Variants in ST3GAL4 observed in about 807,000 individuals in gnomAD.
ST3GAL4 encodes the protein CMP-N-acetylneuraminate-beta-galactosamide-alpha-2,3-sialyltransferase 4.
In ST3GAL4, 24 loss-of-function variants were observed where a neutral mutation model predicts 42.6. That is an observed-to-expected ratio of 0.56 (90% CI 0.41 to 0.79). The LOEUF (loss-of-function observed/expected upper bound fraction) is 0.79. ST3GAL4 is among the 30% of genes least tolerant of loss of function. The pLI is 0.00. For missense variants in ST3GAL4, 311 were observed against 430.8 expected (o/e 0.72, Z 2.46); for synonymous variants, 135 against 163.2 (o/e 0.83, Z 1.32).
Position 126,414,114 on chromosome 11 carries a change from T to TG in ST3GAL4, c.*72dup. On this transcript the variant is annotated 3_prime_UTR_variant, in exon 11 of 11. Transcript: ENST00000444328. ...TCTGGGTGACCCCCATGCGTGGCTG[T>TG]GGGGGTGGCTGGTGCCAGTATGACC... 2 of 1,523,710 alleles carry TG rather than the reference T, an allele frequency of 1.3e-6. No homozygotes were observed. Among genetic ancestry groups the TG allele is most frequent in the Non-Finnish European group, 1.8e-6 (2 of 1,098,208 alleles). 94.4% of individuals were successfully genotyped at this position (1,523,710 alleles called of 1,614,324 possible).
chr11:126,413,262 T>C, intron 9 of ST3GAL4: 1 of 414,508 alleles, frequency 2.4e-6, no homozygotes, highest in Non-Finnish European at 4.3e-6. Context: ...TATGCACTAC[T>C]GCACCCAGCA....
intron 1 of ST3GAL4, among the ~76,000 whole-genome samples, chr11:126,362,560 A>G (rs1255881558): frequency 6.6e-6 from 1 of 152,068 alleles, no homozygotes. Flanking sequence ...GGACTCCAGC[A>G]CTCTATAAAT....
chr11:126,410,969 CCT>C lies in ST3GAL4; in HGVS notation c.771+1560_771+1561del, dbSNP rs1954499781. On this transcript the variant is annotated intron_variant, in intron 9 of 10. Coordinates refer to ENST00000444328, the MANE Select transcript of ST3GAL4 (RefSeq NM_001254757.2). This position sits in a 1 kb window ranked among gnomAD's most constrained non-coding sequence, Gnocchi z 5.3. ...TTCCATTTGGCCAGAGCAGGCGGCT[CCT>C]CCAGCACTGAACTGTTTCCAGTACA... 6.6e-6 allele frequency among the ~76,000 whole-genome samples: 1 copy of C among 152,158 alleles called. No homozygotes were observed. Among genetic ancestry groups the C allele is most frequent in the Admixed American group, 6.5e-5 (1 of 15,284 alleles).
In ST3GAL4 at chr11:126,379,576, C is replaced by T. The variant is rs1952927184; in HGVS notation, c.-61+23734C>T. On this transcript the variant is annotated intron_variant, in intron 1 of 10. Transcript: ENST00000444328. This position sits in a 1 kb window ranked among gnomAD's most constrained non-coding sequence, Gnocchi z 4.2. Reference sequence around the variant, plus strand: ...CACTGCAACCTCCACCTCCCGGGTTCAAGTAATTCTCCTGCCTCATCCTCC... The same window carrying T: ...CACTGCAACCTCCACCTCCCGGGTTTAAGTAATTCTCCTGCCTCATCCTCC... Among the ~76,000 whole-genome samples, 1 of 152,172 alleles carries T rather than the reference C, an allele frequency of 6.6e-6. No individual in the cohort carries two copies. Among genetic ancestry groups the T allele is most frequent in the African/African-American group, 2.4e-5 (1 of 41,446 alleles).
At position 126,413,569 on chromosome 11, in the gene ST3GAL4, C is replaced by A; in HGVS notation, c.836C>A (p.Ala279Asp). 6.2e-7 allele frequency: 1 copy of A among 1,614,266 alleles called. No individual in the cohort carries two copies. Among genetic ancestry groups the A allele is most frequent in the Non-Finnish European group, 8.5e-7 (1 of 1,180,054 alleles). ...CACCTCTGTGACTTGGTGCACATTG[C>A]CGGCTTTGGCTACCCAGACGCCTAC... ...ALHLCDLVHI[A>D]GFGYPDAYNK... The change falls in exon 10 of 11, where the codon GCC becomes GAC. Residue 279 changes from alanine to aspartate, a missense_variant. Physicochemically the swap from Ala to Asp is moderately radical, Grantham distance 126. Transcript: ENST00000444328.
chr11:126,367,750 G>C (rs1952487926), intron 1 of ST3GAL4, among the ~76,000 whole-genome samples: 1 of 152,200 alleles, frequency 6.6e-6, no homozygotes, highest in Non-Finnish European at 1.5e-5. Flanking sequence ...TGAGCTCTCT[G>C]ATCTTGGGAC....
chr11:126,376,845 C>T lies in ST3GAL4; in HGVS notation c.-61+21003C>T, dbSNP rs976606276. 2.6e-5 allele frequency: 4 copies of T among 152,238 alleles called. No homozygotes were observed. The highest frequency in any genetic ancestry group is 2.0e-4 in the Admixed American group (3 of 15,282). 9.4% of individuals were successfully genotyped at this position (152,238 alleles called of 1,614,324 possible). ...AGTAGGTAGGTTGGGGATGAGAATT[C>T]CATGGCCACAGTTAGCAGTTACATA... On this transcript the variant is annotated intron_variant, in intron 1 of 10. Transcript: ENST00000444328. This position sits in a 1 kb window ranked among gnomAD's most constrained non-coding sequence, Gnocchi z 5.1.
At chr11:126,385,568 C>T (rs1177151244) in intron 1 of ST3GAL4, among the ~76,000 whole-genome samples, 2 of 152,170 alleles carry the variant, frequency 1.3e-5, no homozygotes, top group African/African-American at 2.4e-5. Context: ...TATTTTCGAC[C>T]TGTCTGATTT....
chr11:126,398,505 A>G lies in ST3GAL4; in HGVS notation c.-60-7591A>G, dbSNP rs529332608. Among the ~76,000 whole-genome samples the G allele has an allele frequency of 6.6e-6, 1 of 152,286 alleles. No individual in the cohort carries two copies. Among genetic ancestry groups the G allele is most frequent in the African/African-American group, 2.4e-5 (1 of 41,556 alleles). On this transcript the variant is annotated intron_variant, in intron 1 of 10. Coordinates refer to ENST00000444328, the MANE Select transcript of ST3GAL4 (RefSeq NM_001254757.2). This position sits in a 1 kb window ranked among gnomAD's most constrained non-coding sequence, Gnocchi z 4.7. ...GGAGTCTCATGCTTGCAGCTCCCCC[A>G]GGTTGCTGTTGCACACTGGTAGCTC...
chr11:126,358,560 T>A (rs1317285671), intron 1 of ST3GAL4: 1 of 431,368 alleles, frequency 2.3e-6, no homozygotes, highest in African/African-American at 2.0e-5. Flanking sequence ...GTGGTCAGTG[T>A]AGCTTCACGT....
chr11:126,413,387 G>C, intron 9 of ST3GAL4, 118 bp from the exon 10 acceptor site: 1 of 1,329,802 alleles, frequency 7.5e-7, no homozygotes, highest in Non-Finnish European at 1.0e-6. Flanking sequence ...TGTCTTGTTG[G>C]ACAGCGCAGA....
rs1952183098 is a variant in ST3GAL4, at chr11:126,359,739, C to A, written c.-61+3897C>A. ...ACAAGGTTCTTCTCCCTCCCTCCTT[C>A]CCTCCTTCCCTCCTTCCCTCCTTCC... On this transcript the variant is annotated intron_variant, in intron 1 of 10. Coordinates refer to ENST00000444328, the MANE Select transcript of ST3GAL4 (RefSeq NM_001254757.2). This position sits in a 1 kb window ranked among gnomAD's most constrained non-coding sequence, Gnocchi z 4.8. Among the ~76,000 whole-genome samples, 1 of 152,066 alleles carries A rather than the reference C, an allele frequency of 6.6e-6. No homozygotes were observed. The highest frequency in any genetic ancestry group is 1.5e-5 in the Non-Finnish European group (1 of 68,020).
Position 126,397,204 on chromosome 11 carries a change from A to G in ST3GAL4, c.-60-8892A>G, listed in dbSNP as rs907992769. 5.3e-5 allele frequency among the ~76,000 whole-genome samples: 8 copies of G among 152,102 alleles called. No individual in the cohort carries two copies. The highest frequency in any genetic ancestry group is 1.0e-4 in the Non-Finnish European group (7 of 68,034). On this transcript the variant is annotated intron_variant, in intron 1 of 10. Transcript: ENST00000444328. The surrounding 1 kb of genome is among the most constrained non-coding windows in gnomAD (Gnocchi z 5.0). ...TACTTATTTGTCAGATGTTTGTAAA[A>G]CATCTGCTACATTCTTGGCAGTTTA... is the stretch of plus-strand genomic sequence containing the variant.
rs1486199408 is a variant in ST3GAL4 at position 126,384,397 on chromosome 11, G to A, written c.-60-21699G>A. 2.0e-5 allele frequency among the ~76,000 whole-genome samples: 3 copies of A among 152,132 alleles called. No individual in the cohort carries two copies. Among genetic ancestry groups the A allele is most frequent in the Non-Finnish European group, 4.4e-5 (3 of 68,038 alleles). ...TGTGGCACCTGTGTAGGGACTCCAG[G>A]GCTGAACGTTGCCTTTGCTGTCCCT... On this transcript the variant is annotated intron_variant, in intron 1 of 10. Transcript: ENST00000444328. This position sits in a 1 kb window ranked among gnomAD's most constrained non-coding sequence, Gnocchi z 5.5.
intron 6 of ST3GAL4, 116 bp downstream of exon 6, chr11:126,407,750 C>G: frequency 8.9e-7 from 1 of 1,128,284 alleles, no homozygotes; most frequent in Non-Finnish European, 1.3e-6. Context: ...GGTACCATCC[C>G]AGCCAATTCT....
chr11:126,384,301 G>C lies in ST3GAL4; in HGVS notation c.-60-21795G>C, dbSNP rs1237892483. Among the ~76,000 whole-genome samples the C allele has an allele frequency of 2.0e-5, 3 of 152,198 alleles. No individual in the cohort carries two copies. The highest frequency in any genetic ancestry group is 7.2e-5 in the African/African-American group (3 of 41,444). ...GGGTTTCTGAGCCCAGATCTCCGGT[G>C]CTCCAAGACACTCAAAACCAGAGCT... On this transcript the variant is annotated intron_variant, in intron 1 of 10. Coordinates refer to ENST00000444328, the MANE Select transcript of ST3GAL4 (RefSeq NM_001254757.2). The surrounding 1 kb of genome is among the most constrained non-coding windows in gnomAD (Gnocchi z 5.5).
At position 126,411,803 on chromosome 11, in the gene ST3GAL4, A is replaced by G. The variant is rs1253536668; in HGVS notation, c.772-1702A>G. Among the ~76,000 whole-genome samples, 2 of 151,872 alleles carry G rather than the reference A, an allele frequency of 1.3e-5. No individual in the cohort carries two copies. Among genetic ancestry groups the G allele is most frequent in the African/African-American group, 4.8e-5 (2 of 41,324 alleles). ...CTTCAAGCCAGCGACGGCACAATAG[A>G]TCCTTTCTGTGCTTCAAATCTCTGA... is the stretch of plus-strand genomic sequence containing the variant. On this transcript the variant is annotated intron_variant, in intron 9 of 10. Coordinates refer to ENST00000444328, the MANE Select transcript of ST3GAL4 (RefSeq NM_001254757.2). The surrounding 1 kb of genome is among the most constrained non-coding windows in gnomAD (Gnocchi z 6.3).
intron 1 of ST3GAL4, among the ~76,000 whole-genome samples, chr11:126,367,617 C>T (rs972934819): frequency 3.3e-5 from 5 of 152,144 alleles, no homozygotes; most frequent in Non-Finnish European, 5.9e-5. Context: ...GCTCAGGACA[C>T]CTCTGAGGAC....
In ST3GAL4 at chr11:126,396,129, C is replaced by T. The variant is rs556486952; in HGVS notation, c.-60-9967C>T. On this transcript the variant is annotated intron_variant, in intron 1 of 10. Transcript: ENST00000444328. The surrounding 1 kb of genome is among the most constrained non-coding windows in gnomAD (Gnocchi z 5.8). ...AGAACTCCCCAGCCCGTAGCCTGCGCTCACTGTACCTGGCAGTTGTATTAA... is the reference window on the plus strand; with the variant it reads ...AGAACTCCCCAGCCCGTAGCCTGCGTTCACTGTACCTGGCAGTTGTATTAA... Among the ~76,000 whole-genome samples, 1 of 152,086 alleles carries T rather than the reference C, an allele frequency of 6.6e-6. No individual in the cohort carries two copies. The highest frequency in any genetic ancestry group is 1.9e-4 in the East Asian group (1 of 5,176).
Sources: allele counts gnomAD v4.1 joint callset (sites outside exome capture counted in the v4.1 genomes callset), GRCh38; gene constraint gnomAD v4.1.1; non-coding constraint Gnocchi (gnomAD v3.1); transcripts MANE v1.5; gene names NCBI Gene and HGNC (gene_info 2026-07-23, HGNC 2026-07-21).